NBPF12: variants seen among roughly 807,000 people sequenced by gnomAD.
NBPF12 encodes NBPF member 12, also known as NBPF family member NBPF12.
Under a neutral mutation model 146.4 loss-of-function variants are expected in NBPF12, and 115 were observed. The ratio of observed to expected loss-of-function variants is 0.79; its 90% confidence interval spans 0.68 to 0.92. The LOEUF (loss-of-function observed/expected upper bound fraction) is 0.92, where lower values mean the gene tolerates loss of function less well. NBPF12 is among the 40% of genes least tolerant of loss of function. The pLI, the probability that NBPF12 is intolerant of heterozygous loss-of-function variation, is 0.00. For synonymous variants in NBPF12, 385 were observed against 508.9 expected (o/e 0.76, Z 3.28); for missense variants, 1,205 against 1,326.8 (o/e 0.91, Z 1.43).
chr1:146,944,750 C>T (rs1431572625), upstream of NBPF12, among the ~76,000 whole-genome samples: 3 of 151,616 alleles, frequency 2.0e-5, no homozygotes, highest in African/African-American at 7.3e-5. Flanking sequence ...GGTGTAAGTT[C>T]CCCTGGATGT....
chr1:146,964,664 A>C (rs1253114764), intron 7 of NBPF12, among the ~76,000 whole-genome samples: 1 of 151,916 alleles, frequency 6.6e-6, no homozygotes, highest in Non-Finnish European at 1.5e-5. Flanking sequence ...CTCAGCTCCT[A>C]TCTGTCCAGT....
intron 13 of NBPF12, 74 bp from the exon 17 acceptor site, chr1:146,972,677 C>G: frequency 8.4e-7 from 1 of 1,195,452 alleles, no homozygotes; most frequent in Non-Finnish European, 1.2e-6. Context: ...CCAGTGACAT[C>G]CCTCAGTCCT....
chr1:146,984,866 T>A, exon 22 of NBPF12: 1 of 1,563,982 alleles, frequency 6.4e-7, no homozygotes, highest in Non-Finnish European at 8.8e-7. Context: ...CAGGACTCAC[T>A]GGATAGATGT....
At chr1:146,967,787 A>G (rs1418612691) in intron 9 of NBPF12, among the ~76,000 whole-genome samples, 1 of 150,416 alleles carries the variant, frequency 6.6e-6, no homozygotes, top group Non-Finnish European at 1.5e-5. Context: ...TACATGAGCT[A>G]TTTCTTGTCA....
rs1655687291 is a variant in NBPF12 at position 146,958,095 on chromosome 1, G to A, written c.-183-1764G>A. 5.9e-5 allele frequency among the ~76,000 whole-genome samples: 7 copies of A among 117,780 alleles called. 2 individuals carry two copies. Among genetic ancestry groups the A allele is most frequent in the Non-Finnish European group, 9.1e-5 (5 of 55,222 alleles). 77.3% of individuals were successfully genotyped at this position (117,780 alleles called of 152,430 possible). The stretch of plus-strand genomic sequence containing the variant: ...GTTGGTTTGCTGCACCCATTAACTC[G>A]TCATTTACACTAGGTATATATCCTA... On this transcript the variant is annotated intron_variant, in intron 2 of 33. Transcript: ENST00000617844.
intron 1 of NBPF12, among the ~76,000 whole-genome samples, chr1:146,940,028 A>AGTT (rs1654725041): frequency 1.3e-5 from 2 of 151,226 alleles, no homozygotes; most frequent in Non-Finnish European, 2.9e-5. Context: ...CTTTTCTTTG[A>AGTT]GTTACAGTGT....
Position 146,996,054 on chromosome 1 carries a change from G to T in NBPF12, c.*1479G>T, listed in dbSNP as rs1205234983. On this transcript the variant is annotated 3_prime_UTR_variant, in exon 34 of 34. Coordinates refer to ENST00000617844, the Ensembl canonical transcript of NBPF12. ...GCCTGAGTTTTAATTTTTGTCCAAAGTTAATTTTAATCTATACAATTAAAA... is the reference window on the plus strand; with the variant it reads ...GCCTGAGTTTTAATTTTTGTCCAAATTTAATTTTAATCTATACAATTAAAA... 2.1e-5 allele frequency: 3 copies of T among 142,174 alleles called. No homozygotes were observed. In the East Asian group the frequency reaches 6.2e-4, roughly 29 times the overall value. The allele number at this position is 142,174 out of a possible 1,614,324, so 8.8% of individuals were successfully genotyped here. A position where few individuals can be genotyped will look rare whatever the true frequency, so the allele number is the denominator to read the frequency against.
intron 6 of NBPF12, among the ~76,000 whole-genome samples, chr1:146,963,589 G>A (rs1309003059): frequency 6.6e-6 from 1 of 151,942 alleles, no homozygotes; most frequent in Non-Finnish European, 1.5e-5. Flanking sequence ...AGGCTGTGAT[G>A]GGAGGGCGCT....
intron 1 of NBPF12, among the ~76,000 whole-genome samples, chr1:146,942,251 A>G (rs1654842786): frequency 1.3e-5 from 2 of 151,606 alleles, no homozygotes; most frequent in African/African-American, 2.4e-5. Flanking sequence ...GGCATCCCAA[A>G]GTGTTGGGAT....
At chr1:146,962,935 T>C (rs1345963028) in intron 5 of NBPF12, among the ~76,000 whole-genome samples, 160 bp from the exon 9 acceptor site, 2 of 151,338 alleles carry the variant, frequency 1.3e-5, no homozygotes, top group African/African-American at 2.4e-5. Flanking sequence ...GTAGACCATT[T>C]TCTGTTCTTT....
chr1:146,939,600 C>T (rs1444843666), intron 1 of NBPF12, among the ~76,000 whole-genome samples: 9 of 151,974 alleles, frequency 5.9e-5, no homozygotes, highest in Admixed American at 4.6e-4. Context: ...TGTGATTTTT[C>T]TGTGCCTGTC....
At chr1:146,971,036 A>C in intron 12 of NBPF12, 147 bp from the exon 16 acceptor site, 1 of 1,260,020 alleles carries the variant, frequency 7.9e-7, no homozygotes, top group South Asian at 1.2e-5. Context: ...AGAGAAGAGG[A>C]TTGCCTGTTC....
chr1:146,967,465 C>T (rs1332754015), intron 9 of NBPF12, among the ~76,000 whole-genome samples: 1 of 149,304 alleles, frequency 6.7e-6, no homozygotes, highest in Non-Finnish European at 1.5e-5. Flanking sequence ...TTTGCCATTG[C>T]ACTCCAGCCT....
At chr1:146,972,756 G>C in exon 14 of NBPF12, 2 of 1,289,612 alleles carry the variant, frequency 1.6e-6, no homozygotes, top group South Asian at 1.2e-5. Context: ...CCCAGTCCCT[G>C]GCCCCACCTC....
chr1:146,944,340 G>T (rs1392920212), upstream of NBPF12, among the ~76,000 whole-genome samples: 1 of 143,720 alleles, frequency 7.0e-6, no homozygotes, highest in Non-Finnish European at 1.5e-5. Context: ...AGAAAGAAAG[G>T]GGCATGGCCT....
chr1:146,992,428 A>C (rs1658230291), intron 31 of NBPF12, among the ~76,000 whole-genome samples: 1 of 123,418 alleles, frequency 8.1e-6, no homozygotes. Flanking sequence ...CAATTCACTG[A>C]GCTCGTTCTC....
intron 9 of NBPF12, among the ~76,000 whole-genome samples, chr1:146,967,171 A>G (rs2101863198): frequency 6.6e-6 from 1 of 150,584 alleles, no homozygotes; most frequent in Non-Finnish European, 1.5e-5. Context: ...GTCTGCTCCT[A>G]ATAGAACCTG....
intron 5 of NBPF12, among the ~76,000 whole-genome samples, chr1:146,962,697 G>C (rs1268513182): frequency 6.8e-6 from 1 of 147,334 alleles, no homozygotes; most frequent in African/African-American, 2.5e-5. Flanking sequence ...TTTTCAATTC[G>C]CCCCATCTGC....
exon 34 of NBPF12, chr1:146,995,955 T>A (rs587764740): frequency 2.6e-4 from 39 of 150,778 alleles, no homozygotes; most frequent in Middle Eastern, 6.8e-3. Context: ...ACGCTGCAAA[T>A]TTTGGGTCTC....
Sources: gnomAD v4.1 joint callset for allele counts (sites outside exome capture counted in the v4.1 genomes callset) on GRCh38, gnomAD v4.1.1 for gene constraint, MANE v1.5 for transcripts, NCBI Gene and HGNC (gene_info 2026-07-23, HGNC 2026-07-21) for gene names.